DOCK6: variants seen among roughly 807,000 people sequenced by gnomAD.
DOCK6 encodes dedicator of cytokinesis 6.
Under a neutral mutation model 230.3 loss-of-function variants are expected in DOCK6, and 167 were observed. That is an observed-to-expected ratio of 0.73 (90% CI 0.64 to 0.82). The LOEUF is 0.82. Ranked by LOEUF, DOCK6 falls within the 40% of genes least tolerant of loss-of-function variation. The probability of loss-of-function intolerance (pLI) is 0.00; values close to 1 mark genes in which losing one functional copy is unlikely to be tolerated. For synonymous variants in DOCK6, 1,148 were observed against 1,185.0 expected (o/e 0.97, Z 0.64); for missense variants, 2,598 against 2,825.8 (o/e 0.92, Z 1.83).
chr19:11,256,589 A>G (rs2080201107), intron 1 of DOCK6, among the ~76,000 whole-genome samples: 1 of 152,226 alleles, frequency 6.6e-6, no homozygotes, highest in South Asian at 2.1e-4. Context: ...GTGCTCAATT[A>G]GGGCTTGCTG....
Position 11,236,865 on chromosome 19 carries a change from G to T in DOCK6, c.2088C>A (p.Gly696=). 6.4e-7 allele frequency: 1 copy of T among 1,553,480 alleles called. No homozygotes were observed. The highest frequency in any genetic ancestry group is 8.7e-7 in the Non-Finnish European group (1 of 1,148,534). Residue 696 remains glycine (G), a synonymous_variant, in exon 19 of 48, where the codon GGC becomes GGA. Transcript: ENST00000294618. The surrounding 1 kb of genome is among the most constrained non-coding windows in gnomAD (Gnocchi z 5.2). ...CCTTGTGACCGTCCACCCAGCGCATGCCCGGAAGCGCCACCTGTGGGAGGG... is the reference window on the plus strand; with the variant it reads ...CCTTGTGACCGTCCACCCAGCGCATTCCCGGAAGCGCCACCTGTGGGAGGG... The part of the protein sequence containing the change: ...SVLTPDVALP[G]MRWVDGHKGV...
At chr19:11,251,418 T>G in intron 5 of DOCK6, 1 of 234,328 alleles carries the variant, frequency 4.3e-6, no homozygotes, top group South Asian at 9.8e-5. Context: ...AAGCCTTCCC[T>G]GGGACTTTGT....
intron 32 of DOCK6, among the ~76,000 whole-genome samples, chr19:11,215,003 C>T (rs1389766133): frequency 2.7e-5 from 4 of 149,598 alleles, no homozygotes; most frequent in Non-Finnish European, 4.4e-5. Context: ...AGTGCAGTGG[C>T]GCGATCTCGG....
chr19:11,209,252 T>G, intron 37 of DOCK6, 149 bp from the exon 38 acceptor site: 5 of 870,242 alleles, frequency 5.7e-6, no homozygotes, highest in Non-Finnish European at 8.8e-6. Flanking sequence ...CCCTCACTCA[T>G]TCCCTCACCT....
At chr19:11,247,840 A>G (rs2080058957) in intron 7 of DOCK6, 1 of 533,168 alleles carries the variant, frequency 1.9e-6, no homozygotes, top group Admixed American at 3.1e-5. Flanking sequence ...GTTCATATAC[A>G]TGAAAGGCTG....
rs764683158 is a variant in DOCK6 at position 11,204,374 on chromosome 19, C to T, written c.5089-43G>A. The T allele has an allele frequency of 3.1e-6, 5 of 1,599,594 alleles. No homozygotes were observed. In the African/African-American group the frequency reaches 4.0e-5, roughly 13 times the overall value. On this transcript the variant is annotated intron_variant, in intron 39 of 47. Coordinates refer to ENST00000294618, the MANE Select transcript of DOCK6 (RefSeq NM_020812.4). The stretch of plus-strand genomic sequence containing the variant: ...TCAGGATTCCCCAAACTGTCTTCCT[C>T]TCTCCACTGTGCTCCTGTCTACCCA...
Position 11,253,606 on chromosome 19 carries a change from A to G in DOCK6, c.132+33T>C. On this transcript the variant is annotated intron_variant, in intron 2 of 47. Transcript: ENST00000294618. ...CCCCTACCTCTGTCTGAGAGAGGGC[A>G]GAGGGCTGGGGGCGGACCCCCCAAA... is the stretch of plus-strand genomic sequence containing the variant. 3.8e-6 allele frequency: 5 copies of G among 1,313,894 alleles called. No homozygotes were observed. The South Asian group carries it at 9.4e-5, about 25-fold the overall frequency. The allele number at this position is 1,313,894 out of a possible 1,614,324, so 81.4% of individuals were successfully genotyped here. A position where few individuals can be genotyped will look rare whatever the true frequency, so the allele number is the denominator to read the frequency against.
rs1400995362 is a variant in DOCK6, at chr19:11,200,263, G to T, written c.6101+45C>A. 1 of 1,534,162 alleles carries T rather than the reference G, an allele frequency of 6.5e-7. No individual in the cohort carries two copies. The highest frequency in any genetic ancestry group is 2.4e-5 in the East Asian group (1 of 40,826). ...CCTGTACCTGTCCTGGTCTGCCTCT[G>T]CATCCCCTCTCTAGTCTCTAGGATG... On this transcript the variant is annotated intron_variant, in intron 47 of 47. Coordinates refer to ENST00000294618, the MANE Select transcript of DOCK6 (RefSeq NM_020812.4). This position sits in a 1 kb window ranked among gnomAD's most constrained non-coding sequence, Gnocchi z 4.3.
chr19:11,238,138 G>A, intron 15 of DOCK6, 23 bp from the exon 16 acceptor site: 2 of 1,613,944 alleles, frequency 1.2e-6, no homozygotes, highest in Middle Eastern at 1.6e-4. Flanking sequence ...ATTCATGAGG[G>A]ACCCATGGGG....
intron 9 of DOCK6, among the ~76,000 whole-genome samples, chr19:11,244,173 T>G (rs548056325): frequency 1.3e-5 from 2 of 152,196 alleles, no homozygotes; most frequent in Admixed American, 1.3e-4. Context: ...TATGTATGTA[T>G]GTATGTATGT....
chr19:11,243,842 C>T lies in DOCK6; in HGVS notation c.1064G>A (p.Cys355Tyr). Residue 355 changes from cysteine (C) to tyrosine (Y), a missense_variant, in exon 10 of 48, where the codon TGT becomes TAT. Transcript: ENST00000294618. The surrounding 1 kb of genome is among the most constrained non-coding windows in gnomAD (Gnocchi z 6.3). ...TTCTTTCAACACCATGTAAGGCTCA[C>T]AGCACTCACTGATGTCCCCTTGCTG... The part of the protein sequence containing the change: ...VLQQGDISEC[C>Y]EPYMVLKEVD... 1 of 1,613,052 alleles carries T rather than the reference C, an allele frequency of 6.2e-7. No homozygotes were observed. Among genetic ancestry groups the T allele is most frequent in the Admixed American group, 1.7e-5 (1 of 59,830 alleles).
chr19:11,217,034 C>T lies in DOCK6; in HGVS notation c.3774G>A (p.Leu1258=). The T allele has an allele frequency of 1.9e-6, 3 of 1,613,630 alleles. No individual in the cohort carries two copies. Among genetic ancestry groups the T allele is most frequent in the Non-Finnish European group, 2.5e-6 (3 of 1,179,890 alleles). Reference sequence around the variant, plus strand: ...CCGGCTCGGTGTTTTTCAGCACCCACAGCACACACGCCAGCAAGGTCCGGC... The same window carrying T: ...CCGGCTCGGTGTTTTTCAGCACCCATAGCACACACGCCAGCAAGGTCCGGC... ...ESSRTLLACV[L]WVLKNTEPAL... Residue 1258 remains leucine (L), a synonymous_variant, in exon 30 of 48, where the codon CTG becomes CTA. Transcript: ENST00000294618.
chr19:11,237,718 G>A lies in DOCK6; in HGVS notation c.1894C>T (p.His632Tyr), dbSNP rs759538928. The A allele has an allele frequency of 6.3e-7, 1 of 1,586,676 alleles. No homozygotes were observed. Among genetic ancestry groups the A allele is most frequent in the African/African-American group, 1.3e-5 (1 of 74,596 alleles). The change falls in exon 17 of 48, where the codon CAC becomes TAC. Residue 632 changes from histidine (H) to tyrosine (Y), a missense_variant. Physicochemically the swap from His to Tyr is moderately conservative, Grantham distance 83. Transcript: ENST00000294618. ...ACATGGTAGAAGGTGAACAGCAGGT[G>A]ATGGTTCTCTGTCACGCAGGCTGGA... ...HLPACVTENH[H>Y]LLFTFYHVSC...
chr19:11,244,874 G>A (rs1050849497), intron 9 of DOCK6, among the ~76,000 whole-genome samples: 1 of 152,180 alleles, frequency 6.6e-6, no homozygotes, highest in Non-Finnish European at 1.5e-5. Context: ...GATTACAGTT[G>A]TGAGTCACTG....
In DOCK6 at chr19:11,237,533, G is replaced by A. The variant is rs370068309; in HGVS notation, c.1996C>T (p.Arg666Cys). Residue 666 changes from arginine to cysteine, a missense_variant, in exon 18 of 48, where the codon CGC (arginine) becomes TGC (cysteine). By Grantham distance (180) the Arg-to-Cys change is radical. Coordinates refer to ENST00000294618, the MANE Select transcript of DOCK6 (RefSeq NM_020812.4). ...AGACAGAAGGGGCCGGTCCTCAGGC[G>A]CCCGTGCTGCAGCAGTGGGATCCAC... The part of the protein sequence containing the change: ...FTWIPLLQHG[R>C]LRTGPFCLPV... 29 of 1,608,416 alleles carry A rather than the reference G, an allele frequency of 1.8e-5. No homozygotes were observed. Among genetic ancestry groups the A allele is most frequent in the Non-Finnish European group, 2.3e-5 (27 of 1,177,666 alleles).
At position 11,242,478 on chromosome 19, in the gene DOCK6, G is replaced by A. The variant is rs533619793; in HGVS notation, c.1481-271C>T. 5.7e-4 allele frequency among the ~76,000 whole-genome samples: 87 copies of A among 152,100 alleles called. 1 individual carries two copies. The highest frequency in any genetic ancestry group is 4.4e-4 in the Non-Finnish European group (30 of 67,978). ...GCGATCTCGGCTCACTGCAACCTCT[G>A]CCTCCCCAGTTCAAGTGATTCTCCT... On this transcript the variant is annotated intron_variant, in intron 13 of 47. Transcript: ENST00000294618.
chr19:11,257,482 T>TA (rs35933920), intron 1 of DOCK6, among the ~76,000 whole-genome samples: 15,053 of 78,568 alleles, frequency 0.19, 1,976 homozygotes, highest in East Asian at 0.38. Flanking sequence ...CACTGTCTCT[T>TA]AAAAAAAAAA....
Position 11,243,749 on chromosome 19 carries a change from A to G in DOCK6, c.1105-39T>C. On this transcript the variant is annotated intron_variant, in intron 10 of 47. Transcript: ENST00000294618. This position sits in a 1 kb window ranked among gnomAD's most constrained non-coding sequence, Gnocchi z 6.3. ...CCGTCCCCTGCCAGCTCAGCATCCT[A>G]GCCCTGCTGAGTCAGGGATCTGTTG... is the stretch of plus-strand genomic sequence containing the variant. 1 of 1,613,678 alleles carries G rather than the reference A, an allele frequency of 6.2e-7. No individual in the cohort carries two copies.
Position 11,253,600 on chromosome 19 carries a change from G to A in DOCK6, c.132+39C>T, listed in dbSNP as rs1247850528. 4 of 1,264,256 alleles carry A rather than the reference G, an allele frequency of 3.2e-6. No homozygotes were observed. In the African/African-American group the frequency reaches 4.7e-5, roughly 15 times the overall value. 78.3% of individuals were successfully genotyped at this position (1,264,256 alleles called of 1,614,324 possible). ...AGGAAGCCCCTACCTCTGTCTGAGA[G>A]AGGGCAGAGGGCTGGGGGCGGACCC... On this transcript the variant is annotated intron_variant, in intron 2 of 47. Coordinates refer to ENST00000294618, the MANE Select transcript of DOCK6 (RefSeq NM_020812.4).
Sources: gnomAD v4.1 joint callset for allele counts (sites outside exome capture counted in the v4.1 genomes callset) on GRCh38, gnomAD v4.1.1 for gene constraint, Gnocchi (gnomAD v3.1) non-coding constraint, MANE v1.5 for transcripts, NCBI Gene and HGNC (gene_info 2026-07-23, HGNC 2026-07-21) for gene names.